GPM6A: variants seen among roughly 807,000 people sequenced by gnomAD.
The protein encoded by GPM6A is glycoprotein M6A, also known as neuronal membrane glycoprotein M6-a.
GPM6A carries 7 observed loss-of-function variants against 32.1 expected under a neutral mutation model. That is an observed-to-expected ratio of 0.22 (90% CI 0.12 to 0.41). GPM6A has a LOEUF of 0.41. Among genes scored for constraint, GPM6A ranks in the 10% least tolerant of loss-of-function variants. The pLI is 1.00. For synonymous variants in GPM6A, 130 were observed against 123.4 expected, an observed-to-expected ratio of 1.05 and a Z score of -0.35; for missense variants, 235 against 347.2, an observed-to-expected ratio of 0.68 and a Z score of 2.57.
intron 1 of GPM6A, among the ~76,000 whole-genome samples, chr4:175,724,544 CA>C (rs79078555): frequency 7.9e-5 from 12 of 151,976 alleles, no homozygotes; most frequent in Non-Finnish European, 8.8e-5. Context: ...GATTCCATCT[CA>C]AAAAAAAAAT....
At chr4:175,776,725 C>T (rs1733411623) in intron 1 of GPM6A, among the ~76,000 whole-genome samples, 1 of 152,176 alleles carries the variant, frequency 6.6e-6, no homozygotes, top group African/African-American at 2.4e-5. Context: ...TTCACACTTA[C>T]ACATTATTTA....
chr4:175,742,137 G>T (rs1300627786), intron 1 of GPM6A, among the ~76,000 whole-genome samples: 3 of 152,100 alleles, frequency 2.0e-5, no homozygotes, highest in Non-Finnish European at 4.4e-5. Flanking sequence ...TTAAGTGGAT[G>T]AAATTGAAAG....
chr4:175,653,994 C>T (rs1017548962), intron 3 of GPM6A, among the ~76,000 whole-genome samples: 1 of 152,068 alleles, frequency 6.6e-6, no homozygotes, highest in Non-Finnish European at 1.5e-5. Flanking sequence ...CAAAGCCTTC[C>T]CTACCCTATC....
chr4:175,760,706 T>A (rs1265274625), intron 1 of GPM6A, among the ~76,000 whole-genome samples: 1 of 151,798 alleles, frequency 6.6e-6, no homozygotes, highest in Admixed American at 6.6e-5. Context: ...CCCTGAGTAG[T>A]GAATTATTCA....
chr4:175,901,628 C>CTTTTTTTTTTTTTTCTTTTTTTT (rs59461626), intron 1 of GPM6A, among the ~76,000 whole-genome samples: 7 of 126,998 alleles, frequency 5.5e-5, no homozygotes, highest in South Asian at 2.4e-4. Context: ...TTTTCTTTTT[C>CTTTTTTTTTTTTTTCTTTTTTTT]TTTTTTTTTT....
chr4:175,650,658 C>T (rs1038999466), intron 4 of GPM6A, among the ~76,000 whole-genome samples: 3 of 152,114 alleles, frequency 2.0e-5, no homozygotes, highest in African/African-American at 4.8e-5. Context: ...TCACACTACA[C>T]GGGGACTGAA....
At chr4:175,789,512 C>T (rs910505372) in intron 1 of GPM6A, among the ~76,000 whole-genome samples, 5 of 151,958 alleles carry the variant, frequency 3.3e-5, no homozygotes, top group African/African-American at 1.2e-4. Flanking sequence ...AATAATACTT[C>T]CTAGAAAGTC....
intron 1 of GPM6A, among the ~76,000 whole-genome samples, chr4:175,841,273 A>G (rs1188230057): frequency 6.6e-6 from 1 of 152,170 alleles, no homozygotes; most frequent in Admixed American, 6.5e-5. Flanking sequence ...CATACATTTT[A>G]TAAGCTTAAA....
intron 1 of GPM6A, among the ~76,000 whole-genome samples, chr4:175,830,835 C>T (rs1465655886): frequency 2.7e-5 from 4 of 148,030 alleles, no homozygotes; most frequent in Non-Finnish European, 3.0e-5. Flanking sequence ...TTGATTTGTT[C>T]GTTTATATAT....
At chr4:175,853,363 AG>A (rs1468410755) in intron 1 of GPM6A, among the ~76,000 whole-genome samples, 1 of 152,064 alleles carries the variant, frequency 6.6e-6, no homozygotes, top group Non-Finnish European at 1.5e-5. Context: ...TAACAAAAGA[AG>A]CTTTAGGTTT....
intron 3 of GPM6A, among the ~76,000 whole-genome samples, chr4:175,669,319 CAG>C (rs1355758544): frequency 2.0e-5 from 3 of 152,066 alleles, no homozygotes; most frequent in African/African-American, 7.2e-5. Context: ...GCTAATAAGA[CAG>C]ATGTTTTAAA....
At chr4:175,686,494 G>T (rs907361270) in intron 2 of GPM6A, among the ~76,000 whole-genome samples, 2 of 152,158 alleles carry the variant, frequency 1.3e-5, no homozygotes, top group African/African-American at 4.8e-5. Context: ...CAGGGAGGGG[G>T]TTCAGAGAGA....
intron 1 of GPM6A, among the ~76,000 whole-genome samples, chr4:175,713,921 T>C (rs1406792339): frequency 1.3e-5 from 2 of 152,206 alleles, no homozygotes; most frequent in Non-Finnish European, 2.9e-5. Context: ...TTCCATCTTT[T>C]GTCTGTTTGT....
chr4:175,639,146 T>C (rs1740988048), intron 6 of GPM6A, among the ~76,000 whole-genome samples: 2 of 152,200 alleles, frequency 1.3e-5, no homozygotes, highest in African/African-American at 4.8e-5. Context: ...TTTTATTGAA[T>C]ATATATGTAA....
rs1385428448 is a variant in GPM6A at position 175,799,319 on chromosome 4, C to T, written c.37+12872G>A. 2.0e-5 allele frequency among the ~76,000 whole-genome samples: 3 copies of T among 152,014 alleles called. No individual in the cohort carries two copies. The East Asian group carries it at 5.8e-4, about 29-fold the overall frequency. On this transcript the variant is annotated intron_variant, in intron 1 of 6. Transcript: ENST00000393658. ...ATACATGCAGTTCTTTAATTTTTGA[C>T]TCTGGACCACTCATTTTGACTCACT... is the stretch of plus-strand genomic sequence containing the variant.
chr4:175,689,609 T>A (rs539295320), intron 2 of GPM6A, among the ~76,000 whole-genome samples: 1 of 152,304 alleles, frequency 6.6e-6, no homozygotes, highest in East Asian at 1.9e-4. Context: ...CTGGGTGGCA[T>A]GTTCTGTACA....
intron 2 of GPM6A, among the ~76,000 whole-genome samples, chr4:175,699,671 G>A (rs139665379): frequency 6.4e-4 from 97 of 152,102 alleles, no homozygotes; most frequent in African/African-American, 2.2e-3. Flanking sequence ...AGGGGACTGG[G>A]TTTTCTCAAT....
At chr4:175,946,174 C>T (rs73873503) in intron 1 of GPM6A, among the ~76,000 whole-genome samples, 9,089 of 152,024 alleles carry the variant, frequency 0.06, 851 homozygotes, top group African/African-American at 0.2. Context: ...AAACTTCATT[C>T]GAATGTAAAG....
intron 1 of GPM6A, among the ~76,000 whole-genome samples, chr4:175,735,200 C>G (rs1313325604): frequency 6.6e-6 from 1 of 152,152 alleles, no homozygotes; most frequent in Non-Finnish European, 1.5e-5. Flanking sequence ...CTCTCAAGCT[C>G]TAACAGGCTG....
Sources: allele counts gnomAD v4.1 joint callset (sites outside exome capture counted in the v4.1 genomes callset), GRCh38; gene constraint gnomAD v4.1.1; transcripts MANE v1.5; gene names NCBI Gene and HGNC (gene_info 2026-07-23, HGNC 2026-07-21).